The following ARHGAP40 variants were observed in gnomAD, a reference collection of about 807,000 sequenced individuals.
ARHGAP40 encodes Rho GTPase activating protein 40.
A neutral mutation model predicts 73.5 loss-of-function variants in ARHGAP40; 43 were observed. That is an observed-to-expected ratio of 0.58 (90% confidence interval 0.46 to 0.75). ARHGAP40 has a LOEUF of 0.75. Among genes scored for constraint, ARHGAP40 ranks in the 30% least tolerant of loss-of-function variants. The pLI, the probability that ARHGAP40 is intolerant of heterozygous loss-of-function variation, is 0.00. For missense variants in ARHGAP40, 734 were observed against 861.8 expected (o/e 0.85, Z 1.86); for synonymous variants, 300 against 352.8 (o/e 0.85, Z 1.68).
chr20:38,623,275 T>A, intron 1 of ARHGAP40, 84 bp from the exon 2 acceptor site: 2 of 1,100,288 alleles, frequency 1.8e-6, no homozygotes, highest in South Asian at 1.6e-5. Context: ...CCAGGCTGAT[T>A]TCTGGAGAGC....
intron 5 of ARHGAP40, among the ~76,000 whole-genome samples, chr20:38,630,618 C>T (rs578177287): frequency 5.4e-4 from 82 of 152,194 alleles, no homozygotes; most frequent in Non-Finnish European, 1.0e-3. Flanking sequence ...AACTATAACT[C>T]GCTGTTAAGT....
intron 1 of ARHGAP40, among the ~76,000 whole-genome samples, chr20:38,618,812 A>G (rs1334861330): frequency 6.6e-6 from 1 of 152,194 alleles, no homozygotes; most frequent in Non-Finnish European, 1.5e-5. Context: ...CACTATGACC[A>G]GACAGAGAAG....
At chr20:38,608,606 A>T (rs1338120673) in intron 1 of ARHGAP40, among the ~76,000 whole-genome samples, 3 of 152,196 alleles carry the variant, frequency 2.0e-5, no homozygotes, top group Admixed American at 2.0e-4. Context: ...GGACAGACCT[A>T]GGCCCAGACA....
At chr20:38,619,787 T>C (rs922720447) in intron 1 of ARHGAP40, among the ~76,000 whole-genome samples, 2 of 151,674 alleles carry the variant, frequency 1.3e-5, no homozygotes, top group Admixed American at 6.6e-5. Context: ...ATGGCACTGA[T>C]GTATTAAACT....
At chr20:38,643,877 G>C (rs2089035306) in exon 11 of ARHGAP40, 1 of 1,304,832 alleles carries the variant, frequency 7.7e-7, no homozygotes, top group Non-Finnish European at 1.0e-6. Flanking sequence ...AGGTGGTGCA[G>C]ATAATGGTGC....
intron 10 of ARHGAP40, among the ~76,000 whole-genome samples, chr20:38,643,214 A>T (rs900635729): frequency 1.3e-5 from 2 of 152,136 alleles, no homozygotes; most frequent in Non-Finnish European, 2.9e-5. Context: ...ATTAAATGAG[A>T]TGTACCAATT....
chr20:38,638,527 A>G (rs998766573), intron 7 of ARHGAP40, among the ~76,000 whole-genome samples: 3 of 152,122 alleles, frequency 2.0e-5, no homozygotes, highest in African/African-American at 7.2e-5. Context: ...ACATCTGTAA[A>G]TTGGGATGAT....
chr20:38,620,314 G>T (rs183060234), intron 1 of ARHGAP40, among the ~76,000 whole-genome samples: 7 of 152,288 alleles, frequency 4.6e-5, no homozygotes, highest in African/African-American at 1.7e-4. Context: ...CTAGAAGGGG[G>T]TACTCACCGC....
chr20:38,627,546 G>A (rs1255072384), intron 3 of ARHGAP40, among the ~76,000 whole-genome samples: 1 of 85,120 alleles, frequency 1.2e-5, no homozygotes, highest in Non-Finnish European at 2.9e-5. Flanking sequence ...TGTGTGTGTT[G>A]GTGTGTGTTG....
intron 9 of ARHGAP40, among the ~76,000 whole-genome samples, chr20:38,641,406 T>A (rs2089017610): frequency 6.6e-6 from 1 of 152,104 alleles, no homozygotes; most frequent in Admixed American, 6.5e-5. Flanking sequence ...TTCCTAAGGG[T>A]GATTTGCTGG....
intron 9 of ARHGAP40, among the ~76,000 whole-genome samples, chr20:38,639,940 C>T (rs1263355566): frequency 3.3e-5 from 5 of 152,206 alleles, no homozygotes; most frequent in East Asian, 1.9e-4. Flanking sequence ...CACTCACAAC[C>T]GTGAGGTTCT....
At chr20:38,611,720 C>T (rs567794710) in intron 1 of ARHGAP40, among the ~76,000 whole-genome samples, 15 of 148,652 alleles carry the variant, frequency 1.0e-4, no homozygotes, top group Admixed American at 5.3e-4. Context: ...TACAGGCGCC[C>T]GCCACCATGC....
intron 5 of ARHGAP40, among the ~76,000 whole-genome samples, chr20:38,634,201 G>C (rs1253202744): frequency 6.6e-6 from 1 of 151,980 alleles, no homozygotes; most frequent in African/African-American, 2.4e-5. Context: ...AACATACAAA[G>C]ATTAGCCAGG....
chr20:38,613,695 C>T (rs2088817152), intron 1 of ARHGAP40, among the ~76,000 whole-genome samples: 1 of 152,170 alleles, frequency 6.6e-6, no homozygotes, highest in Admixed American at 6.5e-5. Flanking sequence ...AAGGGGGCAC[C>T]CATAGCTGTG....
intron 4 of ARHGAP40, 26 bp downstream of exon 4, chr20:38,629,028 C>G (rs1248505906): frequency 4.6e-6 from 6 of 1,294,930 alleles, no homozygotes; most frequent in Non-Finnish European, 6.1e-6. Flanking sequence ...TCTCCAGGGC[C>G]CTGAGAATCC....
intron 6 of ARHGAP40, among the ~76,000 whole-genome samples, chr20:38,637,431 G>A (rs1288976386): frequency 6.6e-6 from 1 of 152,148 alleles, no homozygotes; most frequent in Non-Finnish European, 1.5e-5. Context: ...TTACAGGCTT[G>A]AGCCACTGCA....
At chr20:38,638,874 A>G in intron 8 of ARHGAP40, 36 bp downstream of exon 8, 2 of 1,294,370 alleles carry the variant, frequency 1.5e-6, no homozygotes, top group Non-Finnish European at 1.0e-6. Context: ...CTGAGGCTGC[A>G]TCTCCCCCAT....
At chr20:38,614,930 G>A in intron 1 of ARHGAP40, 2 of 1,355,414 alleles carry the variant, frequency 1.5e-6, no homozygotes, top group Non-Finnish European at 2.1e-6. Context: ...TCCTGAGACT[G>A]AGTACTCTCC....
intron 1 of ARHGAP40, among the ~76,000 whole-genome samples, chr20:38,612,505 C>G (rs938510515): frequency 6.6e-6 from 1 of 152,120 alleles, no homozygotes. Context: ...GAAACCCTGT[C>G]TGTACTAAAA....
Sources: allele counts gnomAD v4.1 joint callset (sites outside exome capture counted in the v4.1 genomes callset), GRCh38; gene constraint gnomAD v4.1.1; transcripts MANE v1.5; gene names NCBI Gene and HGNC (gene_info 2026-07-23, HGNC 2026-07-21).